The following PDGFD variants were observed in gnomAD, a reference collection of about 807,000 sequenced individuals.
PDGFD encodes the protein platelet-derived growth factor D.
Under a neutral mutation model 44.7 loss-of-function variants are expected in PDGFD, and 30 were observed. The ratio of observed to expected loss-of-function variants is 0.67; its 90% confidence interval spans 0.50 to 0.91. The LOEUF (loss-of-function observed/expected upper bound fraction) is 0.91. Among genes scored for constraint, PDGFD ranks in the 40% least tolerant of loss-of-function variants. The pLI, the probability that PDGFD is intolerant of heterozygous loss-of-function variation, is 0.00. For missense variants in PDGFD, 445 were observed against 457.8 expected (o/e 0.97, Z 0.25); for synonymous variants, 173 against 168.4 (o/e 1.03, Z -0.21).
intron 1 of PDGFD, among the ~76,000 whole-genome samples, chr11:104,104,391 T>C (rs549934241): frequency 2.6e-5 from 4 of 151,328 alleles, no homozygotes; most frequent in African/African-American, 7.3e-5. Context: ...TCACTTTCAC[T>C]TACCACTCAC....
intron 3 of PDGFD, among the ~76,000 whole-genome samples, chr11:103,963,241 T>C (rs960250435): frequency 6.6e-6 from 1 of 152,140 alleles, no homozygotes; most frequent in African/African-American, 2.4e-5. Flanking sequence ...TACTATCACC[T>C]AGAATGTGCA....
chr11:104,164,039 C>G lies in PDGFD; in HGVS notation c.-112G>C, dbSNP rs954671762. On this transcript the variant is annotated 5_prime_UTR_variant, in exon 1 of 7. Transcript: ENST00000393158. Reference sequence around the variant, plus strand: ...GCCGCCTGCGCTCGCCCTGCGCTGGCCCGGGTCGCTGTGCTAATCGCCGAG... The same window carrying G: ...GCCGCCTGCGCTCGCCCTGCGCTGGGCCGGGTCGCTGTGCTAATCGCCGAG... 1.8e-5 allele frequency: 23 copies of G among 1,258,240 alleles called. No homozygotes were observed. Among genetic ancestry groups the G allele is most frequent in the Non-Finnish European group, 2.4e-5 (23 of 946,010 alleles). The allele number at this position is 1,258,240 out of a possible 1,614,324, so 77.9% of individuals were successfully genotyped here.
chr11:103,944,562 G>A (rs1323013512), intron 4 of PDGFD, among the ~76,000 whole-genome samples: 1 of 152,092 alleles, frequency 6.6e-6, no homozygotes, highest in Admixed American at 6.6e-5. Flanking sequence ...AAACAAATAA[G>A]ATTCCCCAAA....
chr11:104,030,172 T>C (rs11226120), intron 1 of PDGFD, among the ~76,000 whole-genome samples: 14,182 of 152,268 alleles, frequency 0.093, 735 homozygotes, highest in African/African-American at 0.14. Flanking sequence ...TCTCATTATG[T>C]ATAAGCGAAT....
At chr11:104,012,681 T>C (rs943111966) in intron 1 of PDGFD, among the ~76,000 whole-genome samples, 4 of 152,222 alleles carry the variant, frequency 2.6e-5, no homozygotes, top group African/African-American at 7.2e-5. Context: ...CAGATTATAC[T>C]AGCCTAAATC....
chr11:104,094,407 C>A (rs1861253459), intron 1 of PDGFD, among the ~76,000 whole-genome samples: 2 of 151,914 alleles, frequency 1.3e-5, no homozygotes. Flanking sequence ...AATTTATATG[C>A]CTCAAAATGC....
intron 1 of PDGFD, among the ~76,000 whole-genome samples, chr11:104,137,712 G>C (rs1179288764): frequency 7.2e-6 from 1 of 139,852 alleles, no homozygotes; most frequent in Admixed American, 7.1e-5. Context: ...TTATTCTATA[G>C]TGATATAGAT....
intron 6 of PDGFD, among the ~76,000 whole-genome samples, chr11:103,911,322 C>T (rs1467071240): frequency 6.6e-6 from 1 of 152,076 alleles, no homozygotes; most frequent in Non-Finnish European, 1.5e-5. Flanking sequence ...ATAGACATTT[C>T]ATACAGGAGA....
At chr11:104,163,297 G>T (rs556953491) in intron 1 of PDGFD, among the ~76,000 whole-genome samples, 1 of 152,210 alleles carries the variant, frequency 6.6e-6, no homozygotes, top group South Asian at 2.1e-4. Context: ...ATAGTAAATT[G>T]TCACTGTTCC....
chr11:103,968,015 G>A (rs923892415), intron 3 of PDGFD, among the ~76,000 whole-genome samples: 3 of 152,086 alleles, frequency 2.0e-5, no homozygotes, highest in Non-Finnish European at 2.9e-5. Flanking sequence ...ATTTGTAATA[G>A]CCTCTGAATT....
At chr11:103,939,806 G>A (rs1306825438) in intron 5 of PDGFD, among the ~76,000 whole-genome samples, 1 of 152,064 alleles carries the variant, frequency 6.6e-6, no homozygotes, top group Non-Finnish European at 1.5e-5. Flanking sequence ...GAGGTTAAAA[G>A]CATGAGGCTG....
At chr11:104,006,998 T>C (rs1481792367) in intron 1 of PDGFD, among the ~76,000 whole-genome samples, 1 of 152,198 alleles carries the variant, frequency 6.6e-6, no homozygotes, top group African/African-American at 2.4e-5. Context: ...CTGTATCACG[T>C]GCCCATTTGG....
At chr11:104,156,685 T>TA (rs1461699012) in intron 1 of PDGFD, among the ~76,000 whole-genome samples, 1 of 152,192 alleles carries the variant, frequency 6.6e-6, no homozygotes, top group Non-Finnish European at 1.5e-5. Context: ...TATAGAGATG[T>TA]CAGCATACCA....
intron 1 of PDGFD, among the ~76,000 whole-genome samples, chr11:104,116,102 T>G (rs1861633653): frequency 6.6e-6 from 1 of 152,102 alleles, no homozygotes; most frequent in African/African-American, 2.4e-5. Flanking sequence ...CATGAAATCT[T>G]GGCTAAGCCA....
chr11:104,068,243 A>C (rs1417303559), intron 1 of PDGFD, among the ~76,000 whole-genome samples: 3 of 152,152 alleles, frequency 2.0e-5, no homozygotes, highest in Admixed American at 6.6e-5. Context: ...TCAGGATTTG[A>C]ACCCAAATAT....
chr11:104,129,760 G>A (rs942359885), intron 1 of PDGFD, among the ~76,000 whole-genome samples: 4 of 152,128 alleles, frequency 2.6e-5, no homozygotes, highest in Non-Finnish European at 4.4e-5. Context: ...TGTAATCCCA[G>A]CACTTTGGGA....
intron 3 of PDGFD, among the ~76,000 whole-genome samples, chr11:103,948,689 C>T (rs1858698606): frequency 6.6e-6 from 1 of 152,082 alleles, no homozygotes; most frequent in Non-Finnish European, 1.5e-5. Flanking sequence ...CTTATTTATC[C>T]AAGTATACCT....
At position 104,159,047 on chromosome 11, in the gene PDGFD, G is replaced by A. The variant is rs1862351305; in HGVS notation, c.124+4757C>T. 2.0e-5 allele frequency among the ~76,000 whole-genome samples: 3 copies of A among 151,468 alleles called. 1 individual carries two copies. The highest frequency in any genetic ancestry group is 4.2e-4 in the South Asian group (2 of 4,778). ...AGGCGCCTGTAGTCCCAGCTACTCG[G>A]GAGGCTGAGGCAGGAGAATCGCTTG... is the stretch of plus-strand genomic sequence containing the variant. On this transcript the variant is annotated intron_variant, in intron 1 of 6. Transcript: ENST00000393158.
At chr11:104,089,358 G>C (rs977560214) in intron 1 of PDGFD, among the ~76,000 whole-genome samples, 1 of 152,174 alleles carries the variant, frequency 6.6e-6, no homozygotes, top group Non-Finnish European at 1.5e-5. Context: ...GGCAGTTACT[G>C]TATTACCAGT....
Sources: gnomAD v4.1 joint callset for allele counts (sites outside exome capture counted in the v4.1 genomes callset) on GRCh38, gnomAD v4.1.1 for gene constraint, MANE v1.5 for transcripts, NCBI Gene and HGNC (gene_info 2026-07-23, HGNC 2026-07-21) for gene names.